The following PDGFC variants were observed in gnomAD, a reference collection of about 807,000 sequenced individuals.
PDGFC encodes platelet-derived growth factor C.
Under a neutral mutation model 35.5 loss-of-function variants are expected in PDGFC, and 12 were observed. That is an observed-to-expected ratio of 0.34 (90% CI 0.22 to 0.55). The LOEUF is 0.55. PDGFC is among the 20% of genes least tolerant of loss of function. PDGFC has a pLI of 0.91. For synonymous variants in PDGFC, 159 were observed against 148.8 expected (o/e 1.07, Z -0.50); for missense variants, 322 against 412.4 (o/e 0.78, Z 1.90).
intron 1 of PDGFC, among the ~76,000 whole-genome samples, chr4:156,941,845 G>A (rs917008079): frequency 6.6e-5 from 10 of 151,990 alleles, no homozygotes; most frequent in African/African-American, 2.4e-4. Flanking sequence ...AGGTGATATG[G>A]TCTATTTTGC....
chr4:156,771,179 G>A (rs10000702), intron 4 of PDGFC, among the ~76,000 whole-genome samples: 69,946 of 152,028 alleles, frequency 0.46, 19,250 homozygotes, highest in African/African-American at 0.77. Flanking sequence ...TTTGAATGCA[G>A]GCTAGCCTCT....
chr4:156,883,838 G>T (rs1035992298), intron 1 of PDGFC, among the ~76,000 whole-genome samples: 1 of 152,068 alleles, frequency 6.6e-6, no homozygotes, highest in African/African-American at 2.4e-5. Context: ...TTATACCTGA[G>T]GGGGGTCACT....
intron 1 of PDGFC, among the ~76,000 whole-genome samples, chr4:156,907,038 A>C (rs1730930256): frequency 6.6e-6 from 1 of 152,190 alleles, no homozygotes; most frequent in South Asian, 2.1e-4. Context: ...AACAAATAAC[A>C]ATCTACTGTT....
At chr4:156,856,240 G>A (rs935233117) in intron 1 of PDGFC, among the ~76,000 whole-genome samples, 4 of 152,178 alleles carry the variant, frequency 2.6e-5, no homozygotes, top group South Asian at 2.1e-4. Flanking sequence ...AGTAAACCAC[G>A]GAACTACTAC....
At chr4:156,811,717 T>C (rs1013694019) in intron 2 of PDGFC, among the ~76,000 whole-genome samples, 5 of 152,140 alleles carry the variant, frequency 3.3e-5, no homozygotes, top group Non-Finnish European at 5.9e-5. Flanking sequence ...GAGGAATAAA[T>C]GATTGTTTTA....
At chr4:156,909,577 G>C (rs770272505) in intron 1 of PDGFC, among the ~76,000 whole-genome samples, 3 of 152,124 alleles carry the variant, frequency 2.0e-5, no homozygotes, top group Non-Finnish European at 4.4e-5. Flanking sequence ...AAATAGGAAA[G>C]ATATAAAACA....
chr4:156,842,605 A>G (rs1729232475), intron 2 of PDGFC, among the ~76,000 whole-genome samples: 1 of 152,124 alleles, frequency 6.6e-6, no homozygotes, highest in Non-Finnish European at 1.5e-5. Context: ...CTGATAGCCT[A>G]AAAAGGGAAG....
intron 1 of PDGFC, among the ~76,000 whole-genome samples, chr4:156,854,845 A>T (rs1250583329): frequency 6.6e-6 from 1 of 152,154 alleles, no homozygotes; most frequent in East Asian, 1.9e-4. Flanking sequence ...TCAAATCACT[A>T]AAATATTTAT....
chr4:156,887,363 A>G (rs1216998027), intron 1 of PDGFC, among the ~76,000 whole-genome samples: 1 of 152,020 alleles, frequency 6.6e-6, no homozygotes, highest in African/African-American at 2.4e-5. Context: ...TTTTAATGTC[A>G]TCATGCCATT....
At chr4:156,865,596 G>A (rs1216933832) in intron 1 of PDGFC, among the ~76,000 whole-genome samples, 3 of 152,120 alleles carry the variant, frequency 2.0e-5, no homozygotes, top group Non-Finnish European at 4.4e-5. Context: ...AAGCTATACT[G>A]TAAAAGACAC....
intron 2 of PDGFC, among the ~76,000 whole-genome samples, chr4:156,816,424 C>T (rs1732088151): frequency 1.3e-5 from 2 of 152,110 alleles, no homozygotes. Context: ...TAGATTACCA[C>T]TTCAACAGCA....
At chr4:156,805,379 T>TTAA (rs1731729900) in intron 3 of PDGFC, among the ~76,000 whole-genome samples, 1 of 152,110 alleles carries the variant, frequency 6.6e-6, no homozygotes, top group South Asian at 2.1e-4. Context: ...AAATTTTCTC[T>TTAA]TAATTCTCGA....
intron 1 of PDGFC, among the ~76,000 whole-genome samples, chr4:156,929,721 C>A (rs1284608163): frequency 2.6e-5 from 4 of 152,170 alleles, no homozygotes; most frequent in South Asian, 2.1e-4. Flanking sequence ...AATCTTTATG[C>A]AGAGTAGAAT....
chr4:156,950,429 A>C (rs186715339), intron 1 of PDGFC, among the ~76,000 whole-genome samples: 3 of 152,000 alleles, frequency 2.0e-5, no homozygotes, highest in African/African-American at 7.2e-5. Flanking sequence ...CTAGAAGCTC[A>C]AATCCCCTTT....
intron 1 of PDGFC, among the ~76,000 whole-genome samples, chr4:156,943,231 G>T (rs1731856433): frequency 6.6e-6 from 1 of 152,008 alleles, no homozygotes; most frequent in Non-Finnish European, 1.5e-5. Context: ...CTTAGGCAGG[G>T]AATTAATACC....
intron 5 of PDGFC, among the ~76,000 whole-genome samples, chr4:156,765,511 C>T (rs1730499607): frequency 6.6e-6 from 1 of 152,046 alleles, no homozygotes; most frequent in African/African-American, 2.4e-5. Context: ...TTTTGAGAAC[C>T]ACAGAGCACT....
chr4:156,942,177 G>A (rs1025709215), intron 1 of PDGFC, among the ~76,000 whole-genome samples: 2 of 152,000 alleles, frequency 1.3e-5, no homozygotes, highest in African/African-American at 2.4e-5. Context: ...ATACAGGATC[G>A]TATTTACACA....
intron 5 of PDGFC, among the ~76,000 whole-genome samples, chr4:156,766,026 T>C (rs772721914): frequency 2.8e-4 from 42 of 152,242 alleles, no homozygotes; most frequent in Non-Finnish European, 1.6e-4. Context: ...TGCAAACAAA[T>C]GTTAGGTTCA....
At chr4:156,929,933 TA>T (rs954922565) in intron 1 of PDGFC, among the ~76,000 whole-genome samples, 311 of 148,876 alleles carry the variant, frequency 2.1e-3, no homozygotes, top group African/African-American at 7.0e-3. Flanking sequence ...GTAGAAATGT[TA>T]AAAAAAAAAA....
Sources: gnomAD v4.1 joint callset for allele counts (sites outside exome capture counted in the v4.1 genomes callset) on GRCh38, gnomAD v4.1.1 for gene constraint, MANE v1.5 for transcripts, NCBI Gene and HGNC (gene_info 2026-07-23, HGNC 2026-07-21) for gene names.